Variants in NUDCD3 observed in about 807,000 individuals in gnomAD.
NUDCD3 encodes the protein nudC domain-containing protein 3.
Under a neutral mutation model 39.7 loss-of-function variants are expected in NUDCD3, and 13 were observed. The observed-to-expected ratio is 0.33, with a 90% confidence interval of 0.21 to 0.52. The LOEUF is 0.52. Ranked by LOEUF, NUDCD3 falls within the 20% of genes least tolerant of loss-of-function variation. The probability of loss-of-function intolerance (pLI) is 0.96; values close to 1 mark genes in which losing one functional copy is unlikely to be tolerated. For synonymous variants in NUDCD3, 175 were observed against 172.4 expected (o/e 1.02, Z -0.12); for missense variants, 453 against 458.1 (o/e 0.99, Z 0.10).
intron 2 of NUDCD3, among the ~76,000 whole-genome samples, chr7:44,480,122 C>T (rs1420814539): frequency 1.3e-5 from 2 of 152,184 alleles, no homozygotes; most frequent in African/African-American, 4.8e-5. Context: ...TAAGGTAGAA[C>T]TCACAAAACT....
intron 2 of NUDCD3, among the ~76,000 whole-genome samples, chr7:44,445,723 GT>G (rs2116928045): frequency 6.6e-6 from 1 of 152,310 alleles, no homozygotes; most frequent in Non-Finnish European, 1.5e-5. Flanking sequence ...ATGGAAATCC[GT>G]TACGACAACT....
At chr7:44,447,620 C>A (rs1455411743) in intron 2 of NUDCD3, among the ~76,000 whole-genome samples, 1 of 152,226 alleles carries the variant, frequency 6.6e-6, no homozygotes, top group Non-Finnish European at 1.5e-5. Context: ...GACAACTGAA[C>A]CTGCCAGAGC....
intron 2 of NUDCD3, among the ~76,000 whole-genome samples, chr7:44,443,760 C>T (rs897769825): frequency 6.6e-6 from 1 of 152,122 alleles, no homozygotes; most frequent in African/African-American, 2.4e-5. Context: ...GGCTGAGGTC[C>T]TTGACTGTCT....
intron 2 of NUDCD3, among the ~76,000 whole-genome samples, chr7:44,460,589 A>C (rs1436874715): frequency 1.3e-5 from 2 of 152,134 alleles, no homozygotes; most frequent in African/African-American, 4.8e-5. Flanking sequence ...AGAAAAAAAA[A>C]ATTTACCACT....
intron 2 of NUDCD3, among the ~76,000 whole-genome samples, chr7:44,429,857 T>G (rs1427049267): frequency 1.3e-5 from 2 of 152,100 alleles, no homozygotes; most frequent in African/African-American, 4.8e-5. Context: ...AGGTTGAAAA[T>G]GGACAGCAAA....
chr7:44,394,521 A>G lies in NUDCD3; in HGVS notation c.787-2036T>C, dbSNP rs567538938. ...ACTTCAGAGGAACTCACAGAACTGT[A>G]AATCTCTGGAAAGAAGAGATCCTTT... On this transcript the variant is annotated intron_variant, in intron 4 of 5. Coordinates refer to ENST00000355451, the MANE Select transcript of NUDCD3 (RefSeq NM_015332.4). 4.6e-5 allele frequency among the ~76,000 whole-genome samples: 7 copies of G among 152,352 alleles called. No homozygotes were observed. In the South Asian group the frequency reaches 1.4e-3, roughly 32 times the overall value.
At chr7:44,458,611 T>C (rs1037983125) in intron 2 of NUDCD3, among the ~76,000 whole-genome samples, 20 of 151,246 alleles carry the variant, frequency 1.3e-4, no homozygotes, top group Non-Finnish European at 2.2e-4. Context: ...TGAGCTGAGA[T>C]TGTGAAATTG....
intron 4 of NUDCD3, among the ~76,000 whole-genome samples, 163 bp downstream of exon 4, chr7:44,404,277 G>A (rs1184312788): frequency 6.6e-6 from 1 of 152,132 alleles, no homozygotes; most frequent in African/African-American, 2.4e-5. Context: ...CCACAGAGAC[G>A]ATCTCTGAGC....
At chr7:44,468,418 T>C in intron 2 of NUDCD3, 1 of 797,616 alleles carries the variant, frequency 1.3e-6, no homozygotes, top group Admixed American at 2.9e-5. Context: ...GTTTGTTCAA[T>C]GCCAGACAGC....
At chr7:44,489,306 G>A (rs923843730) in intron 1 of NUDCD3, among the ~76,000 whole-genome samples, 11 of 152,292 alleles carry the variant, frequency 7.2e-5, no homozygotes, top group Middle Eastern at 3.4e-3. Flanking sequence ...CACTGACAAG[G>A]ACGAGGAATA....
intron 2 of NUDCD3, among the ~76,000 whole-genome samples, chr7:44,428,787 G>T (rs1432967322): frequency 6.6e-6 from 1 of 152,282 alleles, no homozygotes; most frequent in African/African-American, 2.4e-5. Context: ...GTCCATTATA[G>T]TGAACTGAAG....
intron 4 of NUDCD3, among the ~76,000 whole-genome samples, chr7:44,397,305 A>G (rs899628771): frequency 1.6e-4 from 24 of 152,206 alleles, no homozygotes; most frequent in African/African-American, 5.1e-4. Flanking sequence ...TTGTTTTGCA[A>G]TCAGGTAGAG....
chr7:44,388,890 A>T (rs1798455524), intron 5 of NUDCD3, among the ~76,000 whole-genome samples: 1 of 152,250 alleles, frequency 6.6e-6, no homozygotes, highest in Non-Finnish European at 1.5e-5. Context: ...ATAGATTTAG[A>T]TTCAACACAC....
In NUDCD3 at chr7:44,381,026, A is replaced by T. The variant is rs1209365476; in HGVS notation, c.*4985T>A. The T allele has an allele frequency of 6.6e-6, 1 of 152,342 alleles. No individual in the cohort carries two copies. Among genetic ancestry groups the T allele is most frequent in the East Asian group, 1.9e-4 (1 of 5,204 alleles). The allele number at this position is 152,342 out of a possible 1,614,324, so 9.4% of individuals were successfully genotyped here. ...CCAATGCCTGAGTCAGCAGGCTCCT[A>T]ACAGCCTGAGTGACCTCCTCATAGC... On this transcript the variant is annotated 3_prime_UTR_variant, in exon 6 of 6. Coordinates refer to ENST00000355451, the MANE Select transcript of NUDCD3 (RefSeq NM_015332.4).
chr7:44,440,098 A>C (rs1389910377), intron 2 of NUDCD3, among the ~76,000 whole-genome samples: 1 of 152,212 alleles, frequency 6.6e-6, no homozygotes, highest in Non-Finnish European at 1.5e-5. Context: ...TCTCATGAAC[A>C]GGGTACAGAG....
chr7:44,470,473 C>G (rs1202092302), intron 2 of NUDCD3, among the ~76,000 whole-genome samples: 1 of 152,196 alleles, frequency 6.6e-6, no homozygotes, highest in Non-Finnish European at 1.5e-5. Context: ...TAAGGTCCCC[C>G]CAATGTTAGC....
intron 3 of NUDCD3, among the ~76,000 whole-genome samples, chr7:44,412,926 C>CAAAAAAAAAAAAA (rs767754442): frequency 2.3e-5 from 1 of 43,846 alleles, no homozygotes; most frequent in African/African-American, 8.0e-5. Flanking sequence ...GACGCCGTCT[C>CAAAAAAAAAAAAA]AAAAAAAAAA....
chr7:44,410,166 A>G (rs1254169330), intron 3 of NUDCD3, among the ~76,000 whole-genome samples: 1 of 152,220 alleles, frequency 6.6e-6, no homozygotes, highest in Non-Finnish European at 1.5e-5. Context: ...AGCTCAATGA[A>G]TTCCAAGTAA....
intron 4 of NUDCD3, among the ~76,000 whole-genome samples, chr7:44,394,219 G>C (rs1386520500): frequency 2.0e-5 from 3 of 152,096 alleles, no homozygotes; most frequent in Admixed American, 2.0e-4. Flanking sequence ...TGCAGATAGG[G>C]GGAGTGGTGA....
Sources: allele counts gnomAD v4.1 joint callset (sites outside exome capture counted in the v4.1 genomes callset), GRCh38; gene constraint gnomAD v4.1.1; transcripts MANE v1.5; gene names NCBI Gene and HGNC (gene_info 2026-07-23, HGNC 2026-07-21).